Variants in PACC1 observed in about 807,000 individuals in gnomAD.
The protein encoded by PACC1 is proton-activated chloride channel.
A neutral mutation model predicts 39.7 loss-of-function variants in PACC1; 34 were observed. That is an observed-to-expected ratio of 0.86 (90% CI 0.65 to 1.14). The LOEUF (loss-of-function observed/expected upper bound fraction) is 1.14, where lower values mean the gene tolerates loss of function less well. Ranked by LOEUF, PACC1 falls within the 50% of genes most tolerant of loss-of-function variation. PACC1 has a pLI of 0.00. For synonymous variants in PACC1, 127 were observed against 160.6 expected (o/e 0.79, Z 1.58); for missense variants, 379 against 436.4 (o/e 0.87, Z 1.17).
chr1:212,394,477 T>C (rs1661440359), intron 2 of PACC1, among the ~76,000 whole-genome samples: 2 of 152,170 alleles, frequency 1.3e-5, no homozygotes, highest in South Asian at 2.1e-4. Context: ...ACAGCCAATA[T>C]CATACTGAAT....
intron 2 of PACC1, among the ~76,000 whole-genome samples, chr1:212,392,457 C>G (rs796200844): frequency 6.6e-5 from 10 of 152,226 alleles, no homozygotes; most frequent in Non-Finnish European, 1.2e-4. Context: ...AACATGGAAA[C>G]GAACAACTGG....
Position 212,370,742 on chromosome 1 carries a change from C to A in PACC1, c.891+4451G>T, listed in dbSNP as rs775343734. Among the ~76,000 whole-genome samples the A allele has an allele frequency of 7.9e-4, 120 of 151,954 alleles. 1 individual carries two copies. The highest frequency in any genetic ancestry group is 6.8e-3 in the Middle Eastern group (2 of 294). On this transcript the variant is annotated intron_variant, in intron 7 of 7. Transcript: ENST00000261455. ...GAAGGAAATTTTAACATTTATTGAACAAATGAAAATGGAAACAATATACCA... is the reference window on the plus strand; with the variant it reads ...GAAGGAAATTTTAACATTTATTGAAAAAATGAAAATGGAAACAATATACCA...
chr1:212,404,444 T>C (rs937303724), intron 2 of PACC1, among the ~76,000 whole-genome samples: 10 of 151,618 alleles, frequency 6.6e-5, no homozygotes, highest in African/African-American at 2.4e-4. Context: ...TACTAGATAA[T>C]GTACAGACCC....
chr1:212,364,837 T>A lies in PACC1; in HGVS notation c.*378A>T, dbSNP rs1387061754. 1 of 153,886 alleles carries A rather than the reference T, an allele frequency of 6.5e-6. No homozygotes were observed. Among genetic ancestry groups the A allele is most frequent in the East Asian group, 1.9e-4 (1 of 5,236 alleles). The allele number at this position is 153,886 out of a possible 1,614,324, so 9.5% of individuals were successfully genotyped here. A position where few individuals can be genotyped will look rare whatever the true frequency, so the allele number is the denominator to read the frequency against. ...TTTTGGAAAAAGAAAATCACACTCT[T>A]TTGTCCACTTTTAAAAAGTGAAAAG... On this transcript the variant is annotated 3_prime_UTR_variant, in exon 8 of 8. Transcript: ENST00000261455.
At chr1:212,408,124 G>A (rs1399298533) in intron 2 of PACC1, among the ~76,000 whole-genome samples, 1 of 151,738 alleles carries the variant, frequency 6.6e-6, no homozygotes, top group Middle Eastern at 3.4e-3. Context: ...GAGAGTTTAG[G>A]GTTGGGCAGA....
In PACC1 at chr1:212,396,010, G is replaced by A. The variant is rs59728870; in HGVS notation, c.134-8910C>T. 1.2e-4 allele frequency among the ~76,000 whole-genome samples: 18 copies of A among 152,272 alleles called. No homozygotes were observed. The East Asian group carries it at 1.9e-3, about 16-fold the overall frequency. On this transcript the variant is annotated intron_variant, in intron 2 of 7. Coordinates refer to ENST00000261455, the MANE Select transcript of PACC1 (RefSeq NM_018252.3). ...GGTGGGACTGTAAACTAGTTCAACC[G>A]TTGTGGAAGACAGTGTGGCAATTCC...
intron 2 of PACC1, among the ~76,000 whole-genome samples, chr1:212,409,054 A>G (rs1662029462): frequency 6.6e-6 from 1 of 152,158 alleles, no homozygotes; most frequent in Non-Finnish European, 1.5e-5. Flanking sequence ...CTGCACATAC[A>G]AGGGATCTAG....
Position 212,363,994 on chromosome 1 carries a change from T to C in PACC1, c.*1221A>G, listed in dbSNP as rs1398431178. On this transcript the variant is annotated 3_prime_UTR_variant, in exon 8 of 8. Transcript: ENST00000261455. ...AGTTTCTTCCCATTTAAAATGCCTATTCATACATTTGAGTTATTCCCTTTG... is the reference window on the plus strand; with the variant it reads ...AGTTTCTTCCCATTTAAAATGCCTACTCATACATTTGAGTTATTCCCTTTG... The C allele has an allele frequency of 6.6e-6, 1 of 152,256 alleles. No homozygotes were observed. Among genetic ancestry groups the C allele is most frequent in the Non-Finnish European group, 1.5e-5 (1 of 68,052 alleles). The allele number at this position is 152,256 out of a possible 1,614,324, so 9.4% of individuals were successfully genotyped here.
chr1:212,381,770 G>GAC lies in PACC1; in HGVS notation c.496-1735_496-1734dup, dbSNP rs10529310. ...AACAATGCCCAGGGGACAGCACAGT[G>GAC]ACACACACACACACACACACACACA... On this transcript the variant is annotated intron_variant, in intron 4 of 7. Coordinates refer to ENST00000261455, the MANE Select transcript of PACC1 (RefSeq NM_018252.3). Among the ~76,000 whole-genome samples, 370 of 118,086 alleles carry GAC rather than the reference G, an allele frequency of 3.1e-3. 10 individuals are homozygous for GAC. Among genetic ancestry groups the GAC allele is most frequent in the South Asian group, 0.03 (111 of 3,760 alleles). The allele number at this position is 118,086 out of a possible 152,430, so 77.5% of individuals were successfully genotyped here. A position where few individuals can be genotyped will look rare whatever the true frequency, so the allele number is the denominator to read the frequency against.
chr1:212,392,774 G>A (rs1558176559), intron 2 of PACC1, among the ~76,000 whole-genome samples: 2 of 151,690 alleles, frequency 1.3e-5, no homozygotes, highest in East Asian at 3.9e-4. Flanking sequence ...AAAAAAGGCA[G>A]GGGTTGCAAT....
At chr1:212,385,835 TG>T (rs1392680181) in intron 3 of PACC1, among the ~76,000 whole-genome samples, 4 of 152,154 alleles carry the variant, frequency 2.6e-5, no homozygotes, top group Admixed American at 2.6e-4. Context: ...TCTCTTAGAC[TG>T]GGAGCCCCAA....
chr1:212,390,647 G>A (rs908112523), intron 2 of PACC1, among the ~76,000 whole-genome samples: 3 of 151,596 alleles, frequency 2.0e-5, no homozygotes, highest in Non-Finnish European at 4.4e-5. Flanking sequence ...GTGAGGCATC[G>A]CCTCACCCGG....
intron 2 of PACC1, 130 bp from the exon 3 acceptor site, chr1:212,387,230 C>G (rs1387581150): frequency 5.2e-6 from 4 of 765,278 alleles, no homozygotes; most frequent in Non-Finnish European, 8.5e-6. Context: ...ACCTTTCCAC[C>G]TCACCCCACA....
intron 7 of PACC1, among the ~76,000 whole-genome samples, chr1:212,374,606 T>A (rs1205169742): frequency 6.6e-6 from 1 of 152,230 alleles, no homozygotes; most frequent in East Asian, 1.9e-4. Context: ...CCAACTACCC[T>A]GATTTTTGAT....
At chr1:212,366,662 G>A (rs1660257344) in intron 7 of PACC1, among the ~76,000 whole-genome samples, 1 of 152,200 alleles carries the variant, frequency 6.6e-6, no homozygotes, top group African/African-American at 2.4e-5. Flanking sequence ...CTGTGAAGCT[G>A]AGTAAAGCAT....
chr1:212,385,301 G>A lies in PACC1; in HGVS notation c.468C>T (p.Tyr156=). The A allele has an allele frequency of 6.2e-7, 1 of 1,614,122 alleles. No individual in the cohort carries two copies. Among genetic ancestry groups the A allele is most frequent in the Non-Finnish European group, 8.5e-7 (1 of 1,180,016 alleles). ...DMNCTTQRIN[Y]TDPFSNQTVK... ...CAGTCTGATTGGAGAAGGGGTCCGT[G>A]TAGTTGATCCTCTGGGTGGTGCAAT... Residue 156 remains tyrosine, a synonymous_variant, in exon 4 of 8, where the codon TAC becomes TAT. Coordinates refer to ENST00000261455, the MANE Select transcript of PACC1 (RefSeq NM_018252.3).
intron 1 of PACC1, among the ~76,000 whole-genome samples, chr1:212,414,382 G>A (rs1035177812): frequency 6.6e-6 from 1 of 152,192 alleles, no homozygotes; most frequent in South Asian, 2.1e-4. Flanking sequence ...TGGGCCATTG[G>A]GCTGCCGCTC....
intron 2 of PACC1, among the ~76,000 whole-genome samples, chr1:212,392,082 A>G (rs1661343276): frequency 6.6e-6 from 1 of 152,218 alleles, no homozygotes; most frequent in South Asian, 2.1e-4. Flanking sequence ...AAATTCAGGA[A>G]ATACAGAGAA....
chr1:212,399,464 CTT>C (rs1190777687), intron 2 of PACC1, among the ~76,000 whole-genome samples: 4 of 145,962 alleles, frequency 2.7e-5, no homozygotes, highest in African/African-American at 5.0e-5. Flanking sequence ...GTCTGAAACA[CTT>C]TTTTTTTTTT....
Sources: allele counts gnomAD v4.1 joint callset (sites outside exome capture counted in the v4.1 genomes callset), GRCh38; gene constraint gnomAD v4.1.1; transcripts MANE v1.5; gene names NCBI Gene and HGNC (gene_info 2026-07-23, HGNC 2026-07-21).